The following VMP1 variants were observed in gnomAD, a reference collection of about 807,000 sequenced individuals.
VMP1 encodes the protein vacuole membrane protein 1, also known as ectopic P-granules autophagy protein 3 homolog.
In VMP1, 11 loss-of-function variants were observed where a neutral mutation model predicts 56.0. The observed-to-expected ratio is 0.20, with a 90% CI of 0.12 to 0.32. The LOEUF (loss-of-function observed/expected upper bound fraction) is 0.32. Ranked by LOEUF, VMP1 falls within the 10% of genes least tolerant of loss-of-function variation. The pLI, the probability that VMP1 is intolerant of heterozygous loss-of-function variation, is 1.00. For missense variants in VMP1, 296 were observed against 490.3 expected (o/e 0.60, Z 3.74); for synonymous variants, 149 against 165.0 (o/e 0.90, Z 0.74).
At chr17:59,838,558 T>C (rs2039058512) in intron 11 of VMP1, 161 bp downstream of exon 11, 15 of 674,720 alleles carry the variant, frequency 2.2e-5, no homozygotes, top group Non-Finnish European at 2.6e-6. Context: ...GAAATTTGTC[T>C]TTGTCTTAGA....
intron 5 of VMP1, among the ~76,000 whole-genome samples, chr17:59,742,519 A>AAATAAT (rs1156834555): frequency 4.9e-4 from 39 of 79,060 alleles, no homozygotes; most frequent in South Asian, 4.8e-3. Flanking sequence ...CCTGTCTCAA[A>AAATAAT]AACAATAATA....
At chr17:59,774,428 A>G (rs2036546263) in intron 7 of VMP1, among the ~76,000 whole-genome samples, 1 of 101,796 alleles carries the variant, frequency 9.8e-6, no homozygotes, top group Admixed American at 9.5e-5. Flanking sequence ...AAAAAAAGAA[A>G]GAAAGAAAGA....
At chr17:59,770,823 T>A (rs2645483) in intron 6 of VMP1, among the ~76,000 whole-genome samples, 16 of 151,906 alleles carry the variant, frequency 1.1e-4, no homozygotes, top group African/African-American at 3.6e-4. Flanking sequence ...CTAGTGATCC[T>A]CCTGCCTCAG....
At chr17:59,797,340 CAAAAAAA>C (rs769486306) in intron 7 of VMP1, among the ~76,000 whole-genome samples, 8 of 65,192 alleles carry the variant, frequency 1.2e-4, no homozygotes, top group East Asian at 4.7e-4. Context: ...GACTCTGTCT[CAAAAAAA>C]AAAAAAAAAG....
At chr17:59,798,663 G>A (rs2037532648) in intron 7 of VMP1, among the ~76,000 whole-genome samples, 1 of 152,210 alleles carries the variant, frequency 6.6e-6, no homozygotes, top group African/African-American at 2.4e-5. Flanking sequence ...AAGGCAGGCG[G>A]ATCACCTGAG....
chr17:59,816,444 T>G (rs564258024), intron 9 of VMP1, among the ~76,000 whole-genome samples: 10 of 152,364 alleles, frequency 6.6e-5, no homozygotes, highest in South Asian at 2.1e-4. Context: ...ATTAGTCTTC[T>G]TGCCAGAAAT....
chr17:59,811,826 C>G, intron 9 of VMP1, 40 bp downstream of exon 9: 1 of 1,330,176 alleles, frequency 7.5e-7, no homozygotes, highest in Non-Finnish European at 1.1e-6. Context: ...TGATGATGAA[C>G]CCATTACAAG....
chr17:59,824,642 G>GCAGATGGATTGGT (rs2038578678), intron 10 of VMP1, among the ~76,000 whole-genome samples: 1 of 150,300 alleles, frequency 6.7e-6, no homozygotes, highest in African/African-American at 2.4e-5. Flanking sequence ...GGAGGCCGAG[G>GCAGATGGATTGGT]TGGGCGGATC....
At chr17:59,778,143 C>T (rs987035083) in intron 7 of VMP1, among the ~76,000 whole-genome samples, 7 of 152,130 alleles carry the variant, frequency 4.6e-5, no homozygotes, top group African/African-American at 1.7e-4. Flanking sequence ...TTTCAAAAAG[C>T]AATTTGTATG....
chr17:59,713,722 T>G (rs2034030403), intron 1 of VMP1, among the ~76,000 whole-genome samples: 1 of 146,982 alleles, frequency 6.8e-6, no homozygotes, highest in Non-Finnish European at 1.5e-5. Flanking sequence ...AAGAGAGACT[T>G]TTTTTTTTAA....
At chr17:59,802,248 C>G (rs1172625290) in intron 7 of VMP1, among the ~76,000 whole-genome samples, 1 of 151,830 alleles carries the variant, frequency 6.6e-6, no homozygotes, top group Non-Finnish European at 1.5e-5. Context: ...TTTAGATACA[C>G]ATATACTTAC....
intron 10 of VMP1, among the ~76,000 whole-genome samples, chr17:59,826,614 C>A (rs1396372348): frequency 6.6e-6 from 1 of 152,158 alleles, no homozygotes; most frequent in Non-Finnish European, 1.5e-5. Context: ...ATTCAGTAAG[C>A]ACCCACTGTG....
intron 1 of VMP1, among the ~76,000 whole-genome samples, chr17:59,724,615 T>C (rs990979825): frequency 8.5e-5 from 13 of 152,054 alleles, no homozygotes; most frequent in African/African-American, 3.1e-4. Context: ...GAGGTTGCAG[T>C]GAGCCAATAT....
chr17:59,749,778 G>A (rs1240785996), intron 5 of VMP1, among the ~76,000 whole-genome samples: 1 of 152,086 alleles, frequency 6.6e-6, no homozygotes, highest in Non-Finnish European at 1.5e-5. Context: ...CCAAAGTGCT[G>A]CGATTACAGG....
intron 5 of VMP1, among the ~76,000 whole-genome samples, chr17:59,764,227 A>G (rs1471897183): frequency 6.6e-6 from 1 of 152,190 alleles, no homozygotes; most frequent in Non-Finnish European, 1.5e-5. Context: ...TATCTAACAA[A>G]TGAGAAATAT....
intron 7 of VMP1, among the ~76,000 whole-genome samples, chr17:59,801,112 A>ATATATGTG (rs1296238370): frequency 5.0e-4 from 55 of 110,314 alleles, no homozygotes; most frequent in African/African-American, 2.2e-3. Context: ...ATATATATAT[A>ATATATGTG]TGTGTGTGTG....
chr17:59,830,208 G>T (rs775961363), intron 10 of VMP1, among the ~76,000 whole-genome samples: 8 of 151,790 alleles, frequency 5.3e-5, no homozygotes, highest in South Asian at 4.2e-4. Flanking sequence ...ACCTCCTGTC[G>T]CATGCCAGCA....
intron 5 of VMP1, among the ~76,000 whole-genome samples, chr17:59,759,924 G>GTTTTTTTTTTTTTTTTTTTTTTT (rs2035986217): frequency 1.4e-5 from 1 of 71,720 alleles, no homozygotes; most frequent in Admixed American, 1.5e-4. Context: ...TTTTTTTTTT[G>GTTTTTTTTTTTTTTTTTTTTTTT]GTATTGAATT....
chr17:59,768,253 G>A (rs1167939399), intron 6 of VMP1, among the ~76,000 whole-genome samples: 1 of 152,068 alleles, frequency 6.6e-6, no homozygotes, highest in Non-Finnish European at 1.5e-5. Context: ...CACACACTAA[G>A]TTATGTTTAA....
Sources: allele counts gnomAD v4.1 joint callset (sites outside exome capture counted in the v4.1 genomes callset), GRCh38; gene constraint gnomAD v4.1.1; transcripts MANE v1.5; gene names NCBI Gene and HGNC (gene_info 2026-07-23, HGNC 2026-07-21).